The following LDLRAD3 variants were observed in gnomAD, a reference collection of about 807,000 sequenced individuals.
LDLRAD3 encodes the protein low-density lipoprotein receptor class A domain-containing protein 3.
In LDLRAD3, 20 loss-of-function variants were observed where a neutral mutation model predicts 29.4. The observed-to-expected ratio is 0.68, with a 90% CI of 0.48 to 0.99. LDLRAD3 has a LOEUF of 0.99. Among genes scored for constraint, LDLRAD3 ranks in the 50% least tolerant of loss-of-function variants. The probability of loss-of-function intolerance (pLI) is 0.00; values close to 1 mark genes in which losing one functional copy is unlikely to be tolerated. For missense variants in LDLRAD3, 420 were observed against 454.3 expected (o/e 0.92, Z 0.69); for synonymous variants, 157 against 192.7 (o/e 0.81, Z 1.53).
At chr11:36,030,070 G>A (rs1165892682) in intron 1 of LDLRAD3, among the ~76,000 whole-genome samples, 3 of 152,208 alleles carry the variant, frequency 2.0e-5, no homozygotes, top group Non-Finnish European at 2.9e-5. Flanking sequence ...ATGGGTAAAT[G>A]GAGGCTGGGG....
At chr11:35,966,602 CA>C (rs1371791713) in intron 1 of LDLRAD3, among the ~76,000 whole-genome samples, 2 of 152,146 alleles carry the variant, frequency 1.3e-5, no homozygotes, top group Non-Finnish European at 2.9e-5. Context: ...AGGGACAGGG[CA>C]AGTAGATGGA....
intron 1 of LDLRAD3, among the ~76,000 whole-genome samples, chr11:35,969,040 G>C (rs1851378766): frequency 6.6e-6 from 1 of 152,168 alleles, no homozygotes; most frequent in Non-Finnish European, 1.5e-5. Context: ...TTATACACAG[G>C]TTCCAGCCGT....
At chr11:36,216,188 A>T (rs1220197253) in intron 4 of LDLRAD3, among the ~76,000 whole-genome samples, 4 of 152,168 alleles carry the variant, frequency 2.6e-5, no homozygotes. Flanking sequence ...TCTCAGCTTC[A>T]TCTTCTTCCA....
At chr11:36,178,190 A>G (rs1263322737) in intron 4 of LDLRAD3, among the ~76,000 whole-genome samples, 13 of 152,076 alleles carry the variant, frequency 8.5e-5, no homozygotes. Flanking sequence ...CCACAGTTTT[A>G]TACCACTTTG....
At chr11:36,024,442 A>T (rs1565169087) in intron 1 of LDLRAD3, among the ~76,000 whole-genome samples, 1 of 152,096 alleles carries the variant, frequency 6.6e-6, no homozygotes, top group Non-Finnish European at 1.5e-5. Flanking sequence ...CAGTTTTACA[A>T]ATGGAAAATT....
At chr11:35,950,564 A>G (rs1851118204) in intron 1 of LDLRAD3, among the ~76,000 whole-genome samples, 1 of 152,114 alleles carries the variant, frequency 6.6e-6, no homozygotes, top group Non-Finnish European at 1.5e-5. Context: ...TTATATATAT[A>G]TACTGTATAT....
chr11:36,023,723 G>A (rs78868638), intron 1 of LDLRAD3, among the ~76,000 whole-genome samples: 4,228 of 152,202 alleles, frequency 0.028, 210 homozygotes, highest in African/African-American at 0.097. Context: ...TTTGATTGTC[G>A]TCTGTTACTG....
intron 1 of LDLRAD3, among the ~76,000 whole-genome samples, chr11:35,948,997 AGCATCATTACTGT>A (rs144338485): frequency 0.15 from 22,758 of 150,786 alleles, 4,030 homozygotes; most frequent in African/African-American, 0.43. Flanking sequence ...ATGCATCTTG[AGCATCATTACTGT>A]GCATCATTAC....
intron 2 of LDLRAD3, among the ~76,000 whole-genome samples, chr11:36,043,773 T>C (rs1031873718): frequency 1.8e-4 from 27 of 152,272 alleles, no homozygotes; most frequent in African/African-American, 6.5e-4. Context: ...AAGCCACTGC[T>C]AGCCAAGGGC....
intron 1 of LDLRAD3, among the ~76,000 whole-genome samples, chr11:36,030,472 G>A (rs981773913): frequency 8.4e-6 from 1 of 118,972 alleles, no homozygotes; most frequent in African/African-American, 3.1e-5. Context: ...GTGTGTGTGT[G>A]TGTACGTTTG....
At chr11:36,135,075 A>G (rs1207729065) in intron 4 of LDLRAD3, among the ~76,000 whole-genome samples, 1 of 152,134 alleles carries the variant, frequency 6.6e-6, no homozygotes, top group East Asian at 1.9e-4. Flanking sequence ...GCAGCAAAAG[A>G]AGAGTGATGT....
chr11:36,198,241 GA>G (rs1213498705), intron 4 of LDLRAD3, among the ~76,000 whole-genome samples: 1 of 148,698 alleles, frequency 6.7e-6, no homozygotes. Context: ...TTCAATACAA[GA>G]TCATTAACTC....
chr11:36,022,739 C>T (rs1167070284), intron 1 of LDLRAD3, among the ~76,000 whole-genome samples: 3 of 152,166 alleles, frequency 2.0e-5, no homozygotes, highest in Non-Finnish European at 2.9e-5. Context: ...GCTTCGTTTT[C>T]TGGAAGGTCA....
intron 1 of LDLRAD3, among the ~76,000 whole-genome samples, chr11:36,032,709 G>A (rs1162535921): frequency 6.6e-6 from 1 of 152,104 alleles, no homozygotes; most frequent in Non-Finnish European, 1.5e-5. Flanking sequence ...ATGTTCCCAG[G>A]GGGGCAAAAT....
At chr11:36,021,151 C>T (rs373483762) in intron 1 of LDLRAD3, among the ~76,000 whole-genome samples, 2 of 151,944 alleles carry the variant, frequency 1.3e-5, no homozygotes, top group Non-Finnish European at 2.9e-5. Flanking sequence ...TTTGGCAATA[C>T]GGGGTGGAAA....
chr11:36,102,251 A>C (rs549700118), intron 4 of LDLRAD3, among the ~76,000 whole-genome samples: 15 of 152,302 alleles, frequency 9.8e-5, no homozygotes, highest in Admixed American at 6.5e-4. Context: ...ACCTCTGTAC[A>C]TGAGCTCACT....
chr11:36,221,580 C>T (rs1292185184), intron 4 of LDLRAD3, among the ~76,000 whole-genome samples: 4 of 152,086 alleles, frequency 2.6e-5, no homozygotes, highest in Non-Finnish European at 5.9e-5. Flanking sequence ...GTGGCAGGAT[C>T]GCTTGAGCCT....
intron 1 of LDLRAD3, among the ~76,000 whole-genome samples, chr11:35,964,986 T>C (rs1239116729): frequency 9.3e-6 from 1 of 107,498 alleles, no homozygotes; most frequent in Non-Finnish European, 1.8e-5. Context: ...CAAGACTGTC[T>C]CCAAAAAAAA....
chr11:36,088,106 T>C (rs1853222544), intron 3 of LDLRAD3, among the ~76,000 whole-genome samples: 1 of 151,972 alleles, frequency 6.6e-6, no homozygotes, highest in African/African-American at 2.4e-5. Context: ...CTGCTTGCCT[T>C]GACCTCCCAA....
Sources: gnomAD v4.1 joint callset for allele counts (sites outside exome capture counted in the v4.1 genomes callset) on GRCh38, gnomAD v4.1.1 for gene constraint, MANE v1.5 for transcripts, NCBI Gene and HGNC (gene_info 2026-07-23, HGNC 2026-07-21) for gene names.